CERT1: variants seen among roughly 807,000 people sequenced by gnomAD.
CERT1 encodes ceramide transfer protein.
CERT1 carries 31 observed loss-of-function variants against 87.9 expected under a neutral mutation model. The observed-to-expected ratio is 0.35, with a 90% CI of 0.27 to 0.48. CERT1 has a LOEUF of 0.48. CERT1 is among the 20% of genes least tolerant of loss of function. The pLI is 0.99. For missense variants in CERT1, 487 were observed against 758.0 expected (o/e 0.64, Z 4.20); for synonymous variants, 289 against 250.9 (o/e 1.15, Z -1.44).
chr5:75,436,363 AG>A (rs1212615030), intron 3 of CERT1, among the ~76,000 whole-genome samples: 1 of 152,182 alleles, frequency 6.6e-6, no homozygotes, highest in Non-Finnish European at 1.5e-5. Context: ...TGAAAGAATG[AG>A]GTGTATTAAA....
chr5:75,408,500 AGTTTG>A (rs1762803364), intron 8 of CERT1, among the ~76,000 whole-genome samples: 2 of 152,132 alleles, frequency 1.3e-5, no homozygotes, highest in African/African-American at 4.8e-5. Context: ...CCCGAACCTC[AGTTTG>A]GTCCCAGAAC....
At chr5:75,417,927 C>A (rs1245808655) in intron 6 of CERT1, among the ~76,000 whole-genome samples, 2 of 152,180 alleles carry the variant, frequency 1.3e-5, no homozygotes, top group East Asian at 1.9e-4. Context: ...GAGGCCAAGG[C>A]GGGCGGATCA....
chr5:75,501,398 A>C (rs1767361991), intron 2 of CERT1, among the ~76,000 whole-genome samples: 1 of 152,164 alleles, frequency 6.6e-6, no homozygotes, highest in African/African-American at 2.4e-5. Flanking sequence ...TAGGAATTCT[A>C]CTCATCTGGT....
chr5:75,408,234 T>A (rs1762793025), intron 8 of CERT1, among the ~76,000 whole-genome samples: 1 of 152,204 alleles, frequency 6.6e-6, no homozygotes, highest in Non-Finnish European at 1.5e-5. Flanking sequence ...AGCACTTTAC[T>A]GAGGCTCCAA....
intron 11 of CERT1, among the ~76,000 whole-genome samples, chr5:75,394,255 C>T (rs1260540519): frequency 6.6e-6 from 1 of 152,092 alleles, no homozygotes; most frequent in Non-Finnish European, 1.5e-5. Flanking sequence ...GGCCTGTAAT[C>T]CTAGCACTTT....
downstream of CERT1, chr5:75,375,375 A>T (rs1761254407): frequency 6.6e-6 from 1 of 151,922 alleles, no homozygotes; most frequent in Non-Finnish European, 1.5e-5. Context: ...GCTTGAACTC[A>T]GGAGTTTGAG....
In CERT1 at chr5:75,495,287, T is replaced by C. The variant is rs192512999; in HGVS notation, c.231+10695A>G. 1.3e-3 allele frequency among the ~76,000 whole-genome samples: 196 copies of C among 152,332 alleles called. 2 individuals carry two copies. The highest frequency in any genetic ancestry group is 3.4e-3 in the Middle Eastern group (1 of 294). On this transcript the variant is annotated intron_variant, in intron 2 of 16. Coordinates refer to ENST00000643780, the MANE Select transcript of CERT1 (RefSeq NM_001379029.1). ...TCAATAAAGACATGACCAGGTGCAG[T>C]GGCTCATGCCTGTAATCCCAGAACT...
At chr5:75,482,113 C>A (rs1351726874) in intron 2 of CERT1, among the ~76,000 whole-genome samples, 1 of 152,174 alleles carries the variant, frequency 6.6e-6, no homozygotes, top group Non-Finnish European at 1.5e-5. Context: ...CTCTTGGGGT[C>A]CCAAATTCCA....
chr5:75,431,325 G>A (rs1763856876), intron 3 of CERT1, among the ~76,000 whole-genome samples: 1 of 152,102 alleles, frequency 6.6e-6, no homozygotes, highest in Non-Finnish European at 1.5e-5. Context: ...TTGGTTTTCT[G>A]TTCCTGTGTT....
At chr5:75,481,667 A>G (rs567606206) in intron 2 of CERT1, among the ~76,000 whole-genome samples, 1 of 152,322 alleles carries the variant, frequency 6.6e-6, no homozygotes, top group Admixed American at 6.5e-5. Context: ...ATATATAGGA[A>G]AGCTAATTAT....
At chr5:75,426,540 G>A (rs1580753723) in intron 3 of CERT1, 62 bp from the exon 4 acceptor site, 1 of 1,197,652 alleles carries the variant, frequency 8.3e-7, no homozygotes, top group East Asian at 2.5e-5. Context: ...GAAAACAAAA[G>A]GTTTCCTATG....
intron 13 of CERT1, 28 bp downstream of exon 13, chr5:75,385,874 T>C: frequency 7.1e-7 from 1 of 1,401,192 alleles, no homozygotes; most frequent in East Asian, 2.7e-5. Flanking sequence ...AAATAATAGA[T>C]TAAAATATAT....
chr5:75,376,253 T>C (rs1483450779), downstream of CERT1: 1 of 152,252 alleles, frequency 6.6e-6, no homozygotes, highest in African/African-American at 2.4e-5. Context: ...TACACACAAC[T>C]GCATTCAGAT....
chr5:75,420,534 G>A (rs757364952), intron 5 of CERT1, among the ~76,000 whole-genome samples: 10 of 151,824 alleles, frequency 6.6e-5, no homozygotes, highest in African/African-American at 9.7e-5. Flanking sequence ...TAGTAGAGAC[G>A]GGGTTTGACC....
At chr5:75,469,572 T>G (rs1436548366) in intron 2 of CERT1, among the ~76,000 whole-genome samples, 1 of 151,966 alleles carries the variant, frequency 6.6e-6, no homozygotes, top group Non-Finnish European at 1.5e-5. Context: ...GTAAACCTTA[T>G]GGTAATCACA....
chr5:75,482,389 T>C (rs1029991982), intron 2 of CERT1, among the ~76,000 whole-genome samples: 17 of 152,052 alleles, frequency 1.1e-4, no homozygotes, highest in South Asian at 2.1e-4. Flanking sequence ...CCCAGTAAAA[T>C]AGAGCACCAA....
At chr5:75,497,253 T>C (rs1767119667) in intron 2 of CERT1, among the ~76,000 whole-genome samples, 1 of 152,188 alleles carries the variant, frequency 6.6e-6, no homozygotes, top group African/African-American at 2.4e-5. Context: ...TTCTGTTCTT[T>C]AATTTTTTAA....
At chr5:75,449,027 T>C (rs1764668948) in intron 3 of CERT1, among the ~76,000 whole-genome samples, 1 of 152,182 alleles carries the variant, frequency 6.6e-6, no homozygotes, top group Admixed American at 6.5e-5. Flanking sequence ...TGCAAAATCA[T>C]AAAATGCATT....
chr5:75,479,717 CTTTTT>C (rs1305572367), intron 2 of CERT1, among the ~76,000 whole-genome samples: 1 of 152,030 alleles, frequency 6.6e-6, no homozygotes, highest in African/African-American at 2.4e-5. Context: ...GACTCCATGT[CTTTTT>C]TTTATTGTGA....
Sources: allele counts gnomAD v4.1 joint callset (sites outside exome capture counted in the v4.1 genomes callset), GRCh38; gene constraint gnomAD v4.1.1; transcripts MANE v1.5; gene names NCBI Gene and HGNC (gene_info 2026-07-23, HGNC 2026-07-21).